RABGAP1: variants seen among roughly 807,000 people sequenced by gnomAD.
RABGAP1 encodes the protein rab GTPase-activating protein 1.
In RABGAP1, 23 loss-of-function variants were observed where a neutral mutation model predicts 137.6. The observed-to-expected ratio is 0.17, with a 90% confidence interval of 0.12 to 0.24. RABGAP1 has a LOEUF of 0.24. RABGAP1 is among the 10% of genes least tolerant of loss of function. The pLI is 1.00. For missense variants in RABGAP1, 906 were observed against 1,275.8 expected, an observed-to-expected ratio of 0.71 and a Z score of 4.42; for synonymous variants, 451 against 450.7, an observed-to-expected ratio of 1.00 and a Z score of -0.01.
rs188946403 is a variant in RABGAP1, at chr9:123,044,112, C to T, written c.1795-21236C>T. 3.8e-3 allele frequency among the ~76,000 whole-genome samples: 577 copies of T among 151,994 alleles called. 4 individuals are homozygous for T. Among genetic ancestry groups the T allele is most frequent in the African/African-American group, 0.013 (553 of 41,482 alleles). ...TAGAGACGGGGTTTCACCATGTTAT[C>T]CAGGATGGTCTCGATCTTCTGACCT... is the stretch of plus-strand genomic sequence containing the variant. On this transcript the variant is annotated intron_variant, in intron 13 of 25. Coordinates refer to ENST00000373647, the MANE Select transcript of RABGAP1 (RefSeq NM_012197.4).
intron 2 of RABGAP1, 55 bp from the exon 3 acceptor site, chr9:122,984,430 T>A: frequency 1.4e-6 from 2 of 1,439,780 alleles, no homozygotes; most frequent in South Asian, 1.2e-5. Context: ...CCCATTTTAA[T>A]CAATACTGGC....
chr9:122,957,209 G>A lies in RABGAP1; in HGVS notation c.150G>A (p.Lys50=), dbSNP rs1834573880. The change falls in exon 2 of 26, where the codon AAG becomes AAA. Residue 50 remains lysine (K), a splice_region_variant and synonymous_variant. Coordinates refer to ENST00000373647, the MANE Select transcript of RABGAP1 (RefSeq NM_012197.4). ...NGSDDEKTGL[K]IVGNGSEQQL... ...GTGATGATGAGAAAACAGGACTCAA[G>A]GTAAAACTCCCTAACCTAAGATTGT... 2.0e-6 allele frequency: 3 copies of A among 1,515,078 alleles called. No individual in the cohort carries two copies. Among genetic ancestry groups the A allele is most frequent in the Non-Finnish European group, 2.7e-6 (3 of 1,113,076 alleles). The allele number at this position is 1,515,078 out of a possible 1,614,324, so 93.9% of individuals were successfully genotyped here.
intron 19 of RABGAP1, chr9:123,089,488 A>G: frequency 3.0e-6 from 1 of 332,178 alleles, no homozygotes; most frequent in Non-Finnish European, 5.5e-6. Flanking sequence ...CAGAACTTGT[A>G]GGAGGAGCCG....
chr9:123,086,425 A>G (rs1034558061), intron 19 of RABGAP1, among the ~76,000 whole-genome samples: 5 of 152,186 alleles, frequency 3.3e-5, no homozygotes, highest in Non-Finnish European at 7.4e-5. Flanking sequence ...GACATTCATA[A>G]TGTCATAGGC....
At chr9:122,970,972 A>G (rs1296618963) in intron 2 of RABGAP1, among the ~76,000 whole-genome samples, 2 of 152,224 alleles carry the variant, frequency 1.3e-5, no homozygotes, top group East Asian at 3.8e-4. Context: ...GGAACTATAC[A>G]TATGGGCTGA....
rs2035408957 is a variant in RABGAP1, at chr9:123,103,601, A to ATG, written c.*389_*390insGT. On this transcript the variant is annotated 3_prime_UTR_variant, in exon 26 of 26. Coordinates refer to ENST00000373647, the MANE Select transcript of RABGAP1 (RefSeq NM_012197.4). ...TTTTTTAATATACATATATATATAT[A>ATG]TATATATATATATATATATATATAT... 4.0e-5 allele frequency: 2 copies of ATG among 49,748 alleles called. No individual in the cohort carries two copies. The allele number at this position is 49,748 out of a possible 1,614,324, so 3.1% of individuals were successfully genotyped here. A position where few individuals can be genotyped will look rare whatever the true frequency, so the allele number is the denominator to read the frequency against.
chr9:123,067,193 T>C (rs2034204045), intron 14 of RABGAP1, among the ~76,000 whole-genome samples: 1 of 152,226 alleles, frequency 6.6e-6, no homozygotes, highest in African/African-American at 2.4e-5. Context: ...CCCATACCAT[T>C]GTCCTGCTGC....
chr9:123,018,090 G>T (rs902357239), intron 12 of RABGAP1, among the ~76,000 whole-genome samples: 3 of 152,146 alleles, frequency 2.0e-5, no homozygotes, highest in African/African-American at 4.8e-5. Flanking sequence ...GCCCCCCGGG[G>T]TTCATGCCAT....
At chr9:123,100,405 GTGTGTGTGTGTGT>G (rs2035309435) in intron 24 of RABGAP1, among the ~76,000 whole-genome samples, 1 of 150,126 alleles carries the variant, frequency 6.7e-6, no homozygotes, top group Admixed American at 6.6e-5. Context: ...GTGTGTGTGT[GTGTGTGTGTGTGT>G]GTGTGTGTGT....
chr9:123,035,466 CTG>C, intron 13 of RABGAP1: 1 of 1,614,140 alleles, frequency 6.2e-7, no homozygotes, highest in Non-Finnish European at 8.5e-7. Flanking sequence ...GTTTCTGCAA[CTG>C]TGTAATTTAT....
chr9:123,027,066 G>A (rs558980450), intron 13 of RABGAP1, among the ~76,000 whole-genome samples: 9 of 151,274 alleles, frequency 5.9e-5, no homozygotes, highest in Admixed American at 2.0e-4. Flanking sequence ...CAAACTAGTA[G>A]CAAGCTCAAA....
chr9:122,962,288 T>G (rs1446725237), intron 2 of RABGAP1, among the ~76,000 whole-genome samples: 2 of 151,698 alleles, frequency 1.3e-5, no homozygotes, highest in African/African-American at 4.8e-5. Flanking sequence ...GTGGGTGGTT[T>G]GCTTGAGGCC....
intron 6 of RABGAP1, 161 bp downstream of exon 6, chr9:122,990,374 G>T: frequency 1.9e-6 from 1 of 533,462 alleles, no homozygotes; most frequent in Admixed American, 4.2e-5. Context: ...TTTAACAGAG[G>T]CAAAGTTTGA....
chr9:122,965,685 G>C (rs959651826), intron 2 of RABGAP1, among the ~76,000 whole-genome samples: 1 of 152,118 alleles, frequency 6.6e-6, no homozygotes, highest in Non-Finnish European at 1.5e-5. Context: ...CGCCCAGCCT[G>C]TGCCACTTTT....
intron 21 of RABGAP1, among the ~76,000 whole-genome samples, chr9:123,091,580 A>G (rs1204995537): frequency 2.0e-5 from 3 of 152,258 alleles, no homozygotes; most frequent in South Asian, 4.2e-4. Flanking sequence ...AATAATAGCT[A>G]TGTCACAGGG....
rs543608732 is a variant in RABGAP1 at position 122,949,616 on chromosome 9, A to G, written c.-49-7395A>G. ...AGGCTGAGGCAGGAGAATCGCTTGA[A>G]CTCTGGAGGCAGAGGTTGCAGTGAG... On this transcript the variant is annotated intron_variant, in intron 1 of 25. Coordinates refer to ENST00000373647, the MANE Select transcript of RABGAP1 (RefSeq NM_012197.4). 1.2e-4 allele frequency among the ~76,000 whole-genome samples: 18 copies of G among 148,478 alleles called. No individual in the cohort carries two copies. In the South Asian group the frequency reaches 3.6e-3, roughly 30 times the overall value.
chr9:123,017,463 C>T (rs2031315993), intron 12 of RABGAP1, among the ~76,000 whole-genome samples: 1 of 152,066 alleles, frequency 6.6e-6, no homozygotes, highest in Non-Finnish European at 1.5e-5. Flanking sequence ...ATAATAGTGT[C>T]TCTTCTTTAG....
chr9:123,073,435 A>T (rs1471162466), intron 15 of RABGAP1, 117 bp from the exon 16 acceptor site: 1 of 1,337,018 alleles, frequency 7.5e-7, no homozygotes, highest in African/African-American at 1.5e-5. Context: ...CATAGCACTA[A>T]ATTTTCTGGT....
At chr9:123,060,991 C>A (rs2033948989) in intron 13 of RABGAP1, among the ~76,000 whole-genome samples, 1 of 152,172 alleles carries the variant, frequency 6.6e-6, no homozygotes, top group Non-Finnish European at 1.5e-5. Flanking sequence ...TAACAAAAAT[C>A]TTCTCTCTGG....
Sources: allele counts gnomAD v4.1 joint callset (sites outside exome capture counted in the v4.1 genomes callset), GRCh38; gene constraint gnomAD v4.1.1; transcripts MANE v1.5; gene names NCBI Gene and HGNC (gene_info 2026-07-23, HGNC 2026-07-21).